TSPAN16: variants seen among roughly 807,000 people sequenced by gnomAD.
TSPAN16 encodes the protein tetraspanin 16.
TSPAN16 carries 23 observed loss-of-function variants against 25.2 expected under a neutral mutation model. The observed-to-expected ratio is 0.91, with a 90% CI of 0.66 to 1.29. The LOEUF is 1.29. Among genes scored for constraint, TSPAN16 ranks in the 50% most tolerant of loss-of-function variants. TSPAN16 has a pLI of 0.00. For missense variants in TSPAN16, 272 were observed against 299.9 expected, an observed-to-expected ratio of 0.91 and a Z score of 0.69; for synonymous variants, 123 against 124.4, an observed-to-expected ratio of 0.99 and a Z score of 0.08.
intron 6 of TSPAN16, among the ~76,000 whole-genome samples, chr19:11,314,873 G>A (rs151049885): frequency 1.8e-4 from 28 of 152,260 alleles, no homozygotes; most frequent in African/African-American, 5.8e-4. Context: ...TATTGGCCAA[G>A]CCTAACCGGA....
At chr19:11,303,845 G>A (rs1337236358) in intron 4 of TSPAN16, among the ~76,000 whole-genome samples, 2 of 151,298 alleles carry the variant, frequency 1.3e-5, no homozygotes, top group South Asian at 2.1e-4. Flanking sequence ...GTGCAGTGGC[G>A]CAATCTTGGC....
chr19:11,299,049 T>A, intron 3 of TSPAN16, 103 bp downstream of exon 3: 1 of 1,139,220 alleles, frequency 8.8e-7, no homozygotes, highest in Non-Finnish European at 1.3e-6. Context: ...GGAGGCTGAG[T>A]CTGGTGGATC....
At chr19:11,321,140 G>C (rs2080777078) in intron 6 of TSPAN16, among the ~76,000 whole-genome samples, 1 of 151,532 alleles carries the variant, frequency 6.6e-6, no homozygotes, top group South Asian at 2.1e-4. Flanking sequence ...CTGCACTCCA[G>C]CTGGGTGGCA....
At chr19:11,304,625 T>C (rs549860097) in intron 4 of TSPAN16, among the ~76,000 whole-genome samples, 39 of 150,714 alleles carry the variant, frequency 2.6e-4, no homozygotes, top group Non-Finnish European at 4.6e-4. Context: ...CCCAGGTTCA[T>C]GCCATTCTCC....
At chr19:11,314,459 A>G (rs1413445875) in intron 6 of TSPAN16, among the ~76,000 whole-genome samples, 1 of 152,188 alleles carries the variant, frequency 6.6e-6, no homozygotes, top group African/African-American at 2.4e-5. Flanking sequence ...CTTTTCTGCA[A>G]ATCGCCACTA....
At chr19:11,317,465 G>A (rs1295379510), downstream of TSPAN16, among the ~76,000 whole-genome samples, 2 of 152,022 alleles carry the variant, frequency 1.3e-5, no homozygotes, top group Non-Finnish European at 2.9e-5. Context: ...ACAGGCATGC[G>A]CCACCACACC....
intron 5 of TSPAN16, 60 bp from the exon 6 acceptor site, chr19:11,312,079 G>C: frequency 7.5e-7 from 1 of 1,336,658 alleles, no homozygotes; most frequent in South Asian, 1.2e-5. Context: ...GGGTTGATGG[G>C]GACTTGCAAT....
intron 1 of TSPAN16, among the ~76,000 whole-genome samples, chr19:11,296,849 T>C (rs1331750729): frequency 6.6e-6 from 1 of 151,768 alleles, no homozygotes; most frequent in African/African-American, 2.4e-5. Flanking sequence ...CCAGCCTTGG[T>C]CAATATGGGG....
At chr19:11,312,322 TAA>T (rs56982210) in intron 6 of TSPAN16, 100 bp downstream of exon 6, 18,631 of 301,698 alleles carry the variant, frequency 0.062, no homozygotes, top group East Asian at 0.11. Context: ...TGAACAAAAC[TAA>T]AAAAAAAAAA....
At position 11,298,327 on chromosome 19, in the gene TSPAN16, C is replaced by A. The variant is rs765554675; in HGVS notation, c.255C>A (p.Gly85=). 3 of 1,613,730 alleles carry A rather than the reference C, an allele frequency of 1.9e-6. No homozygotes were observed. Among genetic ancestry groups the A allele is most frequent in the Non-Finnish European group, 2.5e-6 (3 of 1,179,992 alleles). ...GWYGATKESR[G]TLLFCILSMV... is the part of the protein sequence containing the mutation. ...ATGGAGCGACTAAAGAGAGCAGAGG[C>A]ACGCTCTTGTTTGTAAGTTGGATCT... Residue 85 remains glycine, a synonymous_variant, in exon 2 of 7, where the codon GGC becomes GGA. Coordinates refer to ENST00000590327, the MANE Select transcript of TSPAN16 (RefSeq NM_001282509.2).
intron 4 of TSPAN16, among the ~76,000 whole-genome samples, chr19:11,302,585 GTATATATACATATATA>G (rs1348726368): frequency 7.8e-6 from 1 of 127,448 alleles, no homozygotes; most frequent in African/African-American, 2.9e-5. Flanking sequence ...ATTCTGCTTT[GTATATATACATATATA>G]TTTATATACA....
chr19:11,311,308 G>A (rs1033200072), intron 5 of TSPAN16, among the ~76,000 whole-genome samples: 5 of 152,134 alleles, frequency 3.3e-5, no homozygotes, highest in Non-Finnish European at 5.9e-5. Flanking sequence ...CTATATTTTT[G>A]TATTTTTAGT....
chr19:11,304,691 A>T, intron 4 of TSPAN16, among the ~76,000 whole-genome samples: 1 of 151,556 alleles, frequency 6.6e-6, no homozygotes, highest in East Asian at 1.9e-4. Context: ...CGCCCGGCTA[A>T]TTTTTTGTAT....
chr19:11,301,426 G>C, intron 4 of TSPAN16, 118 bp downstream of exon 4: 2 of 679,010 alleles, frequency 2.9e-6, no homozygotes, highest in Non-Finnish European at 5.1e-6. Context: ...GATCACTTGA[G>C]GTCAGGAGTT....
In TSPAN16 at chr19:11,296,367, G is replaced by A. The variant is rs1311423572; in HGVS notation, c.69+1G>A. The A allele has an allele frequency of 1.9e-6, 3 of 1,614,106 alleles. No individual in the cohort carries two copies. The highest frequency in any genetic ancestry group is 2.2e-5 in the East Asian group (1 of 44,888). ...ATCTTTACTCAATGGCTTCGTGGCT[G>A]TAAGTATGTCACAATCCAGGCCCCT... is the stretch of plus-strand genomic sequence containing the variant. On this transcript the variant is annotated splice_donor_variant, in intron 1 of 6. Coordinates refer to ENST00000590327, the MANE Select transcript of TSPAN16 (RefSeq NM_001282509.2). LOFTEE classifies it high-confidence loss of function.
intron 5 of TSPAN16, chr19:11,307,962 A>G (rs913179079): frequency 1.3e-5 from 2 of 152,170 alleles, no homozygotes; most frequent in African/African-American, 4.8e-5. Flanking sequence ...TGCCGGCACC[A>G]CACTACCTGC....
At chr19:11,299,875 G>T (rs1210474599) in intron 3 of TSPAN16, among the ~76,000 whole-genome samples, 1 of 151,980 alleles carries the variant, frequency 6.6e-6, no homozygotes, top group Non-Finnish European at 1.5e-5. Context: ...TATTCAGGAG[G>T]CTGAGGCAGG....
downstream of TSPAN16, among the ~76,000 whole-genome samples, chr19:11,317,516 C>T (rs552625517): frequency 4.6e-5 from 7 of 151,678 alleles, no homozygotes; most frequent in African/African-American, 1.7e-4. Flanking sequence ...TTTTTTGAGA[C>T]GGAGTTTCGC....
At chr19:11,296,418 G>C (rs1428138850) in intron 1 of TSPAN16, 52 bp downstream of exon 1, 2 of 1,569,140 alleles carry the variant, frequency 1.3e-6, no homozygotes, top group Non-Finnish European at 1.8e-6. Flanking sequence ...TTCCTCCACA[G>C]TCAGCTCCCT....
Sources: gnomAD v4.1 joint callset for allele counts (sites outside exome capture counted in the v4.1 genomes callset) on GRCh38, gnomAD v4.1.1 for gene constraint, MANE v1.5 for transcripts, NCBI Gene and HGNC (gene_info 2026-07-23, HGNC 2026-07-21) for gene names.